The following IQCM variants were observed in gnomAD, a reference collection of about 807,000 sequenced individuals.
The protein encoded by IQCM is IQ motif containing M.
Under a neutral mutation model 57.6 loss-of-function variants are expected in IQCM, and 45 were observed. That is an observed-to-expected ratio of 0.78 (90% confidence interval 0.62 to 1.00). The LOEUF (loss-of-function observed/expected upper bound fraction) is 1.00, where lower values mean the gene tolerates loss of function less well. IQCM is among the 50% of genes least tolerant of loss of function. IQCM has a pLI of 0.00. For missense variants in IQCM, 468 were observed against 511.6 expected, an observed-to-expected ratio of 0.91 and a Z score of 0.82; for synonymous variants, 148 against 158.9, an observed-to-expected ratio of 0.93 and a Z score of 0.51.
chr4:149,394,203 T>C (rs1732060078), intron 13 of IQCM, among the ~76,000 whole-genome samples: 1 of 152,028 alleles, frequency 6.6e-6, no homozygotes, highest in Non-Finnish European at 1.5e-5. Flanking sequence ...TTTTGATGAG[T>C]ACATTGAAAG....
intron 12 of IQCM, among the ~76,000 whole-genome samples, chr4:149,447,203 G>C (rs1314413061): frequency 2.0e-5 from 3 of 151,538 alleles, no homozygotes; most frequent in African/African-American, 7.2e-5. Flanking sequence ...TTCTTTCATA[G>C]AAATTGAAAG....
intron 13 of IQCM, among the ~76,000 whole-genome samples, chr4:149,418,653 C>T (rs1298489649): frequency 6.6e-6 from 1 of 151,974 alleles, no homozygotes; most frequent in Non-Finnish European, 1.5e-5. Flanking sequence ...AAACTTCAGG[C>T]CAATATCTCT....
intron 5 of IQCM, among the ~76,000 whole-genome samples, chr4:149,721,695 G>A (rs1765462614): frequency 6.6e-6 from 1 of 152,096 alleles, no homozygotes; most frequent in Non-Finnish European, 1.5e-5. Context: ...CTCATCAGTT[G>A]ATGGGCACTT....
At chr4:149,763,394 C>T (rs1769725859) in intron 2 of IQCM, among the ~76,000 whole-genome samples, 1 of 151,862 alleles carries the variant, frequency 6.6e-6, no homozygotes, top group African/African-American at 2.4e-5. Context: ...CACAAAAATC[C>T]ATGCAAAAGA....
chr4:149,658,833 G>A (rs1433590556), intron 7 of IQCM, among the ~76,000 whole-genome samples: 1 of 151,930 alleles, frequency 6.6e-6, no homozygotes, highest in Non-Finnish European at 1.5e-5. Flanking sequence ...TTTGTATTGT[G>A]AAACTTTACT....
intron 9 of IQCM, among the ~76,000 whole-genome samples, chr4:149,573,731 T>C (rs898074455): frequency 6.7e-6 from 1 of 149,502 alleles, no homozygotes; most frequent in South Asian, 2.1e-4. Flanking sequence ...AGCCCAGGAG[T>C]GAGAAACTAA....
At chr4:149,361,186 T>C (rs1343332779) in intron 13 of IQCM, among the ~76,000 whole-genome samples, 1 of 152,216 alleles carries the variant, frequency 6.6e-6, no homozygotes, top group Non-Finnish European at 1.5e-5. Context: ...GGAAGAAATT[T>C]CTAAGCTGCA....
rs373010151 is a variant in IQCM, at chr4:149,677,344, A to C, written c.565+4774T>G. ...TTAAGCAGCATCACACTCCAGGAGC[A>C]TGGGCACAAACCTTTGCCAGCCTAT... On this transcript the variant is annotated intron_variant, in intron 7 of 13. Transcript: ENST00000636793. Among the ~76,000 whole-genome samples the C allele has an allele frequency of 3.3e-5, 5 of 152,066 alleles. No homozygotes were observed. In the East Asian group the frequency reaches 9.7e-4, roughly 30 times the overall value.
At chr4:149,725,218 T>C (rs993549640) in intron 5 of IQCM, among the ~76,000 whole-genome samples, 2 of 152,174 alleles carry the variant, frequency 1.3e-5, no homozygotes, top group African/African-American at 4.8e-5. Flanking sequence ...TTATGGAAGA[T>C]AATGCAACTG....
At chr4:149,593,820 G>T (rs1579622092) in intron 8 of IQCM, among the ~76,000 whole-genome samples, 1 of 152,228 alleles carries the variant, frequency 6.6e-6, no homozygotes, top group East Asian at 1.9e-4. Context: ...GTTGATCATG[G>T]TGGATAAGCT....
chr4:149,664,988 T>G (rs1050384656), intron 7 of IQCM, among the ~76,000 whole-genome samples: 1 of 152,142 alleles, frequency 6.6e-6, no homozygotes, highest in African/African-American at 2.4e-5. Context: ...GTTAGGCACA[T>G]GGAATTTGAA....
At chr4:149,717,552 A>G (rs982311382) in intron 5 of IQCM, among the ~76,000 whole-genome samples, 1 of 152,216 alleles carries the variant, frequency 6.6e-6, no homozygotes, top group Admixed American at 6.5e-5. Flanking sequence ...TCAGCACACT[A>G]TTATCCCACA....
chr4:149,601,878 G>A (rs1409085490), intron 8 of IQCM, among the ~76,000 whole-genome samples: 2 of 151,492 alleles, frequency 1.3e-5, no homozygotes, highest in Non-Finnish European at 2.9e-5. Flanking sequence ...GTGAAACCCC[G>A]TCTCTACTAA....
intron 5 of IQCM, among the ~76,000 whole-genome samples, chr4:149,686,879 T>C (rs1216592567): frequency 2.0e-5 from 3 of 151,510 alleles, no homozygotes; most frequent in African/African-American, 7.3e-5. Context: ...CTCTAGTTCC[T>C]ATAAATAGGA....
chr4:149,749,343 A>C (rs564913913), intron 2 of IQCM, among the ~76,000 whole-genome samples: 1 of 152,368 alleles, frequency 6.6e-6, no homozygotes, highest in South Asian at 2.1e-4. Flanking sequence ...TTATTTATAC[A>C]ATGGAATATT....
intron 12 of IQCM, among the ~76,000 whole-genome samples, chr4:149,481,015 G>C (rs1243720375): frequency 6.6e-6 from 1 of 152,076 alleles, no homozygotes; most frequent in Non-Finnish European, 1.5e-5. Context: ...CAGTGGTATT[G>C]AGCACCTTTT....
intron 7 of IQCM, among the ~76,000 whole-genome samples, chr4:149,678,285 A>G (rs1043037175): frequency 6.6e-6 from 1 of 151,838 alleles, no homozygotes; most frequent in Non-Finnish European, 1.5e-5. Context: ...GCAACAAGAG[A>G]AAAAAAGCAA....
chr4:149,802,026 T>C (rs1175183798), intron 2 of IQCM, among the ~76,000 whole-genome samples: 1 of 151,792 alleles, frequency 6.6e-6, no homozygotes, highest in Non-Finnish European at 1.5e-5. Context: ...ATATCTACTA[T>C]GTAGCCACAA....
At chr4:149,762,122 T>A (rs1036734615) in intron 2 of IQCM, among the ~76,000 whole-genome samples, 5 of 151,916 alleles carry the variant, frequency 3.3e-5, no homozygotes, top group African/African-American at 1.2e-4. Context: ...ACTTTAAGAA[T>A]GTGTGAGACA....
Sources: allele counts gnomAD v4.1 joint callset (sites outside exome capture counted in the v4.1 genomes callset), GRCh38; gene constraint gnomAD v4.1.1; transcripts MANE v1.5; gene names NCBI Gene and HGNC (gene_info 2026-07-23, HGNC 2026-07-21).